Variants in ZNF883 observed in about 807,000 individuals in gnomAD.
ZNF883 encodes the protein zinc finger protein 883.
chr9:112,992,576 G>A (rs956789263), downstream of ZNF883, among the ~76,000 whole-genome samples: 10 of 152,110 alleles, frequency 6.6e-5, no homozygotes, highest in African/African-American at 2.4e-4. Flanking sequence ...TCTTCTCATG[G>A]AATATCTTAC....
chr9:112,994,603 C>G (rs1384921688), downstream of ZNF883, among the ~76,000 whole-genome samples: 1 of 151,966 alleles, frequency 6.6e-6, no homozygotes, highest in Non-Finnish European at 1.5e-5. Flanking sequence ...CCAATCAGTT[C>G]TTTTCATTTA....
chr9:113,009,422 C>T (rs1395654352), intron 2 of ZNF883, among the ~76,000 whole-genome samples: 1 of 152,162 alleles, frequency 6.6e-6, no homozygotes, highest in African/African-American at 2.4e-5. Flanking sequence ...CACATCTGCA[C>T]CTTGAGGCTT....
chr9:112,994,440 T>G (rs1182162628), downstream of ZNF883, among the ~76,000 whole-genome samples: 1 of 152,178 alleles, frequency 6.6e-6, no homozygotes. Context: ...TTCTTCTCAG[T>G]GGGAGCCTCT....
downstream of ZNF883, chr9:112,997,014 G>A (rs1250672440): frequency 2.7e-6 from 3 of 1,103,380 alleles, no homozygotes; most frequent in African/African-American, 3.2e-5. Flanking sequence ...GTAAATGAGT[G>A]TTTTGCCTAA....
chr9:112,996,588 G>A (rs1036639598), downstream of ZNF883, among the ~76,000 whole-genome samples: 5 of 150,430 alleles, frequency 3.3e-5, no homozygotes, highest in East Asian at 1.9e-4. Flanking sequence ...TCAGGAGATC[G>A]AGACCATCCT....
At chr9:112,992,804 G>C (rs950626504), downstream of ZNF883, among the ~76,000 whole-genome samples, 5 of 151,830 alleles carry the variant, frequency 3.3e-5, no homozygotes, top group African/African-American at 1.2e-4. Context: ...TTGTCTGCCC[G>C]TCTTATTTCA....
Position 113,011,957 on chromosome 9 carries a change from G to A in ZNF883, n.78+193C>T, listed in dbSNP as rs557865167. ...CTCCTCACCCTGAAGCGGGATGCTG[G>A]CCCAGGTCACCACCACCCCTCCACT... On this transcript the variant is annotated intron_variant and non_coding_transcript_variant, in intron 1 of 4. Transcript: ENST00000638622. 1.1e-3 allele frequency among the ~76,000 whole-genome samples: 170 copies of A among 152,188 alleles called. 1 individual carries two copies. The highest frequency in any genetic ancestry group is 2.6e-3 in the Admixed American group (40 of 15,286).
intron 1 of ZNF883, among the ~76,000 whole-genome samples, chr9:112,989,619 A>G (rs1489406167): frequency 6.6e-6 from 1 of 152,174 alleles, no homozygotes; most frequent in East Asian, 1.9e-4. Flanking sequence ...TTTTGGTTCC[A>G]TATGAACATT....
At chr9:113,008,041 C>A (rs1205192085) in intron 2 of ZNF883, among the ~76,000 whole-genome samples, 3 of 151,348 alleles carry the variant, frequency 2.0e-5, no homozygotes, top group Non-Finnish European at 4.4e-5. Flanking sequence ...GGGCAATGAG[C>A]CATTCAAATG....
chr9:112,993,349 G>T (rs1828319171), downstream of ZNF883, among the ~76,000 whole-genome samples: 1 of 152,188 alleles, frequency 6.6e-6, no homozygotes, highest in Non-Finnish European at 1.5e-5. Context: ...ACTGCAATTT[G>T]CTGGGGGTCC....
chr9:113,010,015 C>T (rs1482667990), intron 2 of ZNF883, among the ~76,000 whole-genome samples: 1 of 152,166 alleles, frequency 6.6e-6, no homozygotes, highest in Non-Finnish European at 1.5e-5. Flanking sequence ...GGAATGTAAC[C>T]TCATGCTCAG....
chr9:113,001,359 C>A (rs1425354954), upstream of ZNF883, among the ~76,000 whole-genome samples: 1 of 151,966 alleles, frequency 6.6e-6, no homozygotes, highest in East Asian at 1.9e-4. Context: ...TTAAATCAGG[C>A]CCTAAAACAA....
At chr9:112,988,241 C>T (rs1828271701) in intron 1 of ZNF883, among the ~76,000 whole-genome samples, 2 of 152,110 alleles carry the variant, frequency 1.3e-5, no homozygotes, top group South Asian at 2.1e-4. Flanking sequence ...CATCTATCAA[C>T]CCATCACCTA....
At chr9:112,995,157 T>C (rs145450113), downstream of ZNF883, among the ~76,000 whole-genome samples, 1 of 152,330 alleles carries the variant, frequency 6.6e-6, no homozygotes, top group Non-Finnish European at 1.5e-5. Context: ...CAGATTTCAA[T>C]GTGGCTGTAG....
chr9:112,997,380 G>C, exon 1 of ZNF883: 1 of 1,613,970 alleles, frequency 6.2e-7, no homozygotes, highest in Middle Eastern at 1.6e-4. Flanking sequence ...TCATTACATT[G>C]ATAGGGTTTC....
At chr9:113,002,459 TTAATAA>T (rs879530662), upstream of ZNF883, among the ~76,000 whole-genome samples, 7 of 152,034 alleles carry the variant, frequency 4.6e-5, no homozygotes, top group Admixed American at 3.3e-4. Flanking sequence ...AATACTACAG[TTAATAA>T]TAATGTACCA....
At chr9:113,006,097 TA>T (rs33952027) in intron 2 of ZNF883, among the ~76,000 whole-genome samples, 85 of 144,290 alleles carry the variant, frequency 5.9e-4, no homozygotes, top group Admixed American at 1.7e-3. Flanking sequence ...CATGAAAAAT[TA>T]AAAAAAAAAA....
chr9:113,002,290 A>G (rs1426350760), upstream of ZNF883, among the ~76,000 whole-genome samples: 2 of 152,230 alleles, frequency 1.3e-5, no homozygotes, highest in East Asian at 3.8e-4. Context: ...GTTTCCCTAT[A>G]AAGACACCTA....
At chr9:113,008,074 T>C (rs994897665) in intron 2 of ZNF883, among the ~76,000 whole-genome samples, 12 of 152,330 alleles carry the variant, frequency 7.9e-5, no homozygotes, top group Admixed American at 7.8e-4. Flanking sequence ...TCTAAAGACA[T>C]AAATTCTTCA....
Sources: allele counts gnomAD v4.1 joint callset (sites outside exome capture counted in the v4.1 genomes callset), GRCh38; gene constraint gnomAD v4.1.1; transcripts MANE v1.5; gene names NCBI Gene and HGNC (gene_info 2026-07-23, HGNC 2026-07-21).